Variants in JPH3 observed in about 807,000 individuals in gnomAD.
The protein encoded by JPH3 is junctophilin-3.
Under a neutral mutation model 59.6 loss-of-function variants are expected in JPH3, and 11 were observed. That is an observed-to-expected ratio of 0.18 (90% CI 0.12 to 0.31). The LOEUF (loss-of-function observed/expected upper bound fraction) is 0.31, where lower values mean the gene tolerates loss of function less well. Ranked by LOEUF, JPH3 falls within the 10% of genes least tolerant of loss-of-function variation. The probability of loss-of-function intolerance (pLI) is 1.00; values close to 1 mark genes in which losing one functional copy is unlikely to be tolerated. For missense variants in JPH3, 1,202 were observed against 1,105.7 expected (o/e 1.09, Z -1.24); for synonymous variants, 673 against 483.6 (o/e 1.39, Z -5.14).
At chr16:87,680,470 G>C (rs1048099054) in intron 2 of JPH3, among the ~76,000 whole-genome samples, 3 of 152,216 alleles carry the variant, frequency 2.0e-5, no homozygotes, top group African/African-American at 7.2e-5. Flanking sequence ...ACTCAGAGCG[G>C]CTTGTGGGAG....
chr16:87,672,175 T>C (rs2033034319), intron 2 of JPH3, among the ~76,000 whole-genome samples: 1 of 151,930 alleles, frequency 6.6e-6, no homozygotes, highest in African/African-American at 2.4e-5. Context: ...ACATAGGCTG[T>C]GGCCTGTAGG....
Position 87,603,129 on chromosome 16 carries a change from T to C in JPH3, c.-18T>C. On this transcript the variant is annotated 5_prime_UTR_variant, in exon 1 of 5. Coordinates refer to ENST00000284262, the MANE Select transcript of JPH3 (RefSeq NM_020655.4). ...GTCCGTTTTCACCGTTTGCGGGATC[T>C]GGAACCGAGTTACATGCATGTCCAG... 1.2e-6 allele frequency: 2 copies of C among 1,613,820 alleles called. No individual in the cohort carries two copies. The highest frequency in any genetic ancestry group is 1.7e-6 in the Non-Finnish European group (2 of 1,179,870).
chr16:87,696,127 T>C (rs2033838128), intron 4 of JPH3: 1 of 458,188 alleles, frequency 2.2e-6, no homozygotes, highest in African/African-American at 2.0e-5. Context: ...CCAGGGCCTC[T>C]CTGCTGGGCT....
Position 87,603,217 on chromosome 16 carries a change from C to T in JPH3, c.71C>T (p.Ala24Val), listed in dbSNP as rs1302391592. 1 of 1,613,910 alleles carries T rather than the reference C, an allele frequency of 6.2e-7. No individual in the cohort carries two copies. The highest frequency in any genetic ancestry group is 1.1e-5 in the South Asian group (1 of 91,082). The change falls in exon 1 of 5, where the codon GCG becomes GTG. Residue 24 changes from alanine (A) to valine (V), a missense_variant. Coordinates refer to ENST00000284262, the MANE Select transcript of JPH3 (RefSeq NM_020655.4). ...SYCGGWEDGKAHGHGVCTGPK... is the reference protein window; with the variant it reads ...SYCGGWEDGKVHGHGVCTGPK... ...TGTGGAGGCTGGGAGGACGGCAAGG[C>T]GCACGGCCATGGCGTCTGCACCGGC...
intron 1 of JPH3, among the ~76,000 whole-genome samples, chr16:87,633,735 G>T (rs1201301142): frequency 2.6e-5 from 4 of 151,962 alleles, no homozygotes; most frequent in African/African-American, 9.7e-5. Flanking sequence ...GGAGGCGGAG[G>T]TTGCAGGGAG....
At chr16:87,689,480 T>A (rs2033502252) in intron 3 of JPH3, among the ~76,000 whole-genome samples, 166 bp from the exon 4 acceptor site, 1 of 151,202 alleles carries the variant, frequency 6.6e-6, no homozygotes, top group Non-Finnish European at 1.5e-5. Context: ...CAGAGGGCTT[T>A]GGGAGCCACG....
intron 2 of JPH3, among the ~76,000 whole-genome samples, chr16:87,658,738 G>A (rs1254361751): frequency 1.3e-5 from 2 of 152,198 alleles, no homozygotes; most frequent in African/African-American, 4.8e-5. Context: ...AAGAAGAGCT[G>A]CCTTTCCTAA....
At chr16:87,642,099 G>C (rs1323663520) in intron 1 of JPH3, among the ~76,000 whole-genome samples, 1 of 152,148 alleles carries the variant, frequency 6.6e-6, no homozygotes, top group Non-Finnish European at 1.5e-5. Context: ...AGGACCCTTT[G>C]GGGGGTGGCG....
intron 2 of JPH3, among the ~76,000 whole-genome samples, chr16:87,666,038 A>G (rs2032849930): frequency 6.6e-6 from 1 of 151,934 alleles, no homozygotes; most frequent in Non-Finnish European, 1.5e-5. Context: ...ATGGTAGTGC[A>G]GGATGCCCCA....
chr16:87,660,671 C>T (rs1002679028), intron 2 of JPH3, among the ~76,000 whole-genome samples: 1 of 152,220 alleles, frequency 6.6e-6, no homozygotes, highest in Non-Finnish European at 1.5e-5. Context: ...ACAGGTGAGT[C>T]TCTGCCTCCC....
At chr16:87,692,201 C>G (rs1005363313) in intron 4 of JPH3, among the ~76,000 whole-genome samples, 2 of 151,954 alleles carry the variant, frequency 1.3e-5, no homozygotes, top group Non-Finnish European at 2.9e-5. Flanking sequence ...CAAGGTTTCC[C>G]TCCCTGTCTC....
chr16:87,693,022 T>A (rs913242839), intron 4 of JPH3, among the ~76,000 whole-genome samples: 2 of 152,226 alleles, frequency 1.3e-5, no homozygotes, highest in Non-Finnish European at 2.9e-5. Context: ...CCCTTGGCTG[T>A]TCTCTGCCCC....
intron 1 of JPH3, among the ~76,000 whole-genome samples, chr16:87,627,882 G>A (rs1165593075): frequency 6.6e-6 from 1 of 152,218 alleles, no homozygotes; most frequent in African/African-American, 2.4e-5. Flanking sequence ...GCACCCTGCA[G>A]GCCACCCCGC....
intron 1 of JPH3, among the ~76,000 whole-genome samples, chr16:87,614,057 C>T (rs900975751): frequency 5.3e-5 from 8 of 152,206 alleles, no homozygotes; most frequent in Non-Finnish European, 1.0e-4. Context: ...AGGGGCCCTG[C>T]CCCAGGTCTC....
chr16:87,603,976 G>T (rs937601481), intron 1 of JPH3: 18 of 643,092 alleles, frequency 2.8e-5, no homozygotes, highest in Non-Finnish European at 3.1e-5. Flanking sequence ...TGCGGCGCCC[G>T]AGGGCCTTCC....
intron 2 of JPH3, among the ~76,000 whole-genome samples, chr16:87,661,721 C>T (rs906015997): frequency 2.6e-5 from 4 of 152,356 alleles, no homozygotes; most frequent in South Asian, 2.1e-4. Context: ...GTCAGCACCT[C>T]GGAGAGTTCC....
At chr16:87,632,274 GA>G (rs1331152713) in intron 1 of JPH3, among the ~76,000 whole-genome samples, 2 of 152,214 alleles carry the variant, frequency 1.3e-5, no homozygotes, top group East Asian at 1.9e-4. Context: ...GCGAAAAGAC[GA>G]AAAAAAGAGC....
chr16:87,604,712 A>G, intron 1 of JPH3: 3 of 1,070,090 alleles, frequency 2.8e-6, no homozygotes, highest in Non-Finnish European at 3.5e-6. Context: ...GGCCACATCC[A>G]GGAGTGGCAG....
chr16:87,639,260 C>T (rs938281161), intron 1 of JPH3, among the ~76,000 whole-genome samples: 7 of 152,122 alleles, frequency 4.6e-5, no homozygotes, highest in African/African-American at 1.2e-4. Flanking sequence ...TTAACCCAGA[C>T]ATTCCCAAGG....
Sources: allele counts gnomAD v4.1 joint callset (sites outside exome capture counted in the v4.1 genomes callset), GRCh38; gene constraint gnomAD v4.1.1; transcripts MANE v1.5; gene names NCBI Gene and HGNC (gene_info 2026-07-23, HGNC 2026-07-21).